ARHGEF2: variants seen among roughly 807,000 people sequenced by gnomAD.
The protein encoded by ARHGEF2 is rho guanine nucleotide exchange factor 2.
ARHGEF2 carries 22 observed loss-of-function variants against 121.0 expected under a neutral mutation model. That is an observed-to-expected ratio of 0.18 (90% CI 0.13 to 0.26). The LOEUF (loss-of-function observed/expected upper bound fraction) is 0.26. Ranked by LOEUF, ARHGEF2 falls within the 10% of genes least tolerant of loss-of-function variation. The pLI is 1.00. For synonymous variants in ARHGEF2, 487 were observed against 530.0 expected (o/e 0.92, Z 1.11); for missense variants, 907 against 1,336.0 (o/e 0.68, Z 5.01).
chr1:155,963,977 T>C (rs985621434), intron 7 of ARHGEF2, among the ~76,000 whole-genome samples: 1 of 150,528 alleles, frequency 6.6e-6, no homozygotes, highest in African/African-American at 2.4e-5. Flanking sequence ...AAACCCTGTC[T>C]CTACTAAAAA....
chr1:155,949,429 A>T (rs556794648), intron 21 of ARHGEF2, among the ~76,000 whole-genome samples: 1 of 151,686 alleles, frequency 6.6e-6, no homozygotes, highest in Non-Finnish European at 1.5e-5. Context: ...AAAATACAAA[A>T]ATTAGCTGGG....
chr1:155,958,574 ATTTTTTT>A (rs397722034), intron 11 of ARHGEF2, among the ~76,000 whole-genome samples, 178 bp from the exon 12 acceptor site: 1 of 122,272 alleles, frequency 8.2e-6, no homozygotes, highest in Admixed American at 8.6e-5. Flanking sequence ...CACCCATTCT[ATTTTTTT>A]TTTTTTTTTT....
At chr1:155,957,689 T>A (rs753599927) in intron 13 of ARHGEF2, 24 bp downstream of exon 13, 1 of 1,594,346 alleles carries the variant, frequency 6.3e-7, no homozygotes, top group South Asian at 1.1e-5. Flanking sequence ...CATAAGCACA[T>A]GCAGGCGGCA....
Position 155,954,929 on chromosome 1 carries a change from C to T in ARHGEF2, c.1756G>A (p.Asp586Asn), listed in dbSNP as rs777615385. The T allele has an allele frequency of 6.2e-7, 1 of 1,611,934 alleles. No individual in the cohort carries two copies. The highest frequency in any genetic ancestry group is 8.5e-7 in the Non-Finnish European group (1 of 1,179,106). ...TTAATTCGCCGCAGGTAAGCCTCAT[C>T]CTCTGTCTCAATCAGGGGGAAGTCC... The part of the protein sequence containing the change: ...REDFPLIETE[D>N]EAYLRRIKME... Residue 586 changes from aspartate to asparagine, a missense_variant, in exon 14 of 22, where the codon GAT becomes AAT. Asp to Asn is a conservative substitution (Grantham distance 23). Around this residue, in one of 2 missense-constraint regions of ARHGEF2, gnomAD observed 432 missense variants for 559.5 expected, o/e 0.77. Coordinates refer to ENST00000361247, the MANE Select transcript of ARHGEF2 (RefSeq NM_001162383.2).
chr1:155,958,612 G>C (rs1003054993), intron 11 of ARHGEF2, among the ~76,000 whole-genome samples: 1 of 122,748 alleles, frequency 8.1e-6, no homozygotes, highest in Non-Finnish European at 1.7e-5. Context: ...TTTTCATCTT[G>C]TTGTTCAGGC....
chr1:155,956,632 G>A (rs1676723595), intron 13 of ARHGEF2, among the ~76,000 whole-genome samples: 1 of 151,588 alleles, frequency 6.6e-6, no homozygotes, highest in South Asian at 2.1e-4. Context: ...GACCAGCTTG[G>A]TCAACATGGC....
At chr1:155,977,230 C>T (rs1464575709) in intron 1 of ARHGEF2, among the ~76,000 whole-genome samples, 3 of 152,076 alleles carry the variant, frequency 2.0e-5, no homozygotes, top group Admixed American at 6.5e-5. Context: ...GGGTACAGTG[C>T]GGGGGCCCCA....
At position 155,952,791 on chromosome 1, in the gene ARHGEF2, C is replaced by G; in HGVS notation, c.1821G>C (p.Leu607=). 6.2e-7 allele frequency: 1 copy of G among 1,614,204 alleles called. No homozygotes were observed. The highest frequency in any genetic ancestry group is 1.1e-5 in the South Asian group (1 of 91,088). ...LQQKDRALVE[L]LREKVGLFAE... ...CAAACAGCCCGACCTTCTCTCGCAGCAGCTCCACCAGTGCCCGGTCCTTCT... is the reference window on the plus strand; with the variant it reads ...CAAACAGCCCGACCTTCTCTCGCAGGAGCTCCACCAGTGCCCGGTCCTTCT... The change falls in exon 15 of 22, where the codon CTG becomes CTC. Residue 607 remains leucine (L), a synonymous_variant. Transcript: ENST00000361247.
chr1:155,965,082 C>A lies in ARHGEF2; in HGVS notation c.630G>T (p.Lys210Asn), dbSNP rs369719782. The change falls in exon 7 of 22, where the codon AAG becomes AAT. Residue 210 changes from lysine (K) to asparagine (N), a missense_variant. Coordinates refer to ENST00000361247, the MANE Select transcript of ARHGEF2 (RefSeq NM_001162383.2). This position sits in a 1 kb window ranked among gnomAD's most constrained non-coding sequence, Gnocchi z 6.0. Reference protein sequence around the residue: ...ELMSDFEMDEKDFAADSWSLA... With the variant: ...ELMSDFEMDENDFAADSWSLA... Reference sequence around the variant, plus strand: ...GACTCCAAGAGTCAGCTGCAAAGTCCTTCTCATCCATCTCAAAGTCACTCA... The same window carrying A: ...GACTCCAAGAGTCAGCTGCAAAGTCATTCTCATCCATCTCAAAGTCACTCA... The A allele has an allele frequency of 3.6e-5, 58 of 1,614,096 alleles. No homozygotes were observed. The African/African-American group carries it at 7.2e-4, about 20-fold the overall frequency.
chr1:155,958,243 C>T lies in ARHGEF2; in HGVS notation c.1545+77G>A, dbSNP rs2275072. Reference sequence around the variant, plus strand: ...TGACTCTGGGGGACTCCAGAGCTCTCGTGGGCTTGGGCAGGAAAGCAAGAA... The same window carrying T: ...TGACTCTGGGGGACTCCAGAGCTCTTGTGGGCTTGGGCAGGAAAGCAAGAA... On this transcript the variant is annotated intron_variant, in intron 12 of 21. Coordinates refer to ENST00000361247, the MANE Select transcript of ARHGEF2 (RefSeq NM_001162383.2). The T allele has an allele frequency of 2.8e-4, 340 of 1,218,998 alleles. 3 individuals carry two copies. The East Asian group carries it at 7.9e-3, about 28-fold the overall frequency. 75.5% of individuals were successfully genotyped at this position (1,218,998 alleles called of 1,614,324 possible).
chr1:155,964,167 AATATATATATATATATAT>A (rs869033599), intron 7 of ARHGEF2, among the ~76,000 whole-genome samples: 1 of 91,240 alleles, frequency 1.1e-5, no homozygotes, highest in South Asian at 3.2e-4. Flanking sequence ...AAAAAAAAAA[AATATATATATATATATAT>A]ATATATATAT....
intron 7 of ARHGEF2, among the ~76,000 whole-genome samples, chr1:155,964,445 C>T (rs746532369): frequency 1.5e-4 from 23 of 151,510 alleles, no homozygotes; most frequent in Admixed American, 1.1e-3. Flanking sequence ...GTCTCCAGCA[C>T]GGTGTTAAGC....
At chr1:155,970,484 C>G (rs1178016122) in intron 1 of ARHGEF2, 19 of 985,486 alleles carry the variant, frequency 1.9e-5, no homozygotes, top group Non-Finnish European at 2.3e-5. Context: ...GGACTAGAAG[C>G]TGAGAAGACC....
intron 7 of ARHGEF2, among the ~76,000 whole-genome samples, chr1:155,964,499 G>C (rs1678942977): frequency 6.6e-6 from 1 of 151,994 alleles, no homozygotes; most frequent in Admixed American, 6.6e-5. Context: ...AGATAAAGAA[G>C]GGATAAAGAG....
Position 155,951,309 on chromosome 1 carries a change from C to G in ARHGEF2, c.2260-37G>C, listed in dbSNP as rs772041028. On this transcript the variant is annotated intron_variant, in intron 19 of 21. Coordinates refer to ENST00000361247, the MANE Select transcript of ARHGEF2 (RefSeq NM_001162383.2). This position sits in a 1 kb window ranked among gnomAD's most constrained non-coding sequence, Gnocchi z 5.1. ...ATGCAGGCAGAAGGGTTTATCAGAACCCCTGTGCTCTTCTACCCCTCGCCT... is the reference window on the plus strand; with the variant it reads ...ATGCAGGCAGAAGGGTTTATCAGAAGCCCTGTGCTCTTCTACCCCTCGCCT... 1.9e-6 allele frequency: 3 copies of G among 1,572,324 alleles called. No homozygotes were observed. The highest frequency in any genetic ancestry group is 2.3e-5 in the East Asian group (1 of 44,330).
chr1:155,976,603 C>T (rs1214581540), intron 1 of ARHGEF2, among the ~76,000 whole-genome samples: 1 of 126,922 alleles, frequency 7.9e-6, no homozygotes, highest in African/African-American at 2.8e-5. Context: ...TAGCTACCTG[C>T]CCCCACAGAA....
In ARHGEF2 at chr1:155,947,349, C is replaced by T. The variant is rs1318161160; in HGVS notation, c.*593G>A. On this transcript the variant is annotated 3_prime_UTR_variant, in exon 22 of 22. Transcript: ENST00000361247. The stretch of plus-strand genomic sequence containing the variant: ...CACCCCAACCTTTATTCCATCAACT[C>T]CAGGAAGCCAGGTTATCTCCCAGGG... The T allele has an allele frequency of 2.2e-6, 1 of 456,538 alleles. No individual in the cohort carries two copies. The highest frequency in any genetic ancestry group is 2.0e-5 in the African/African-American group (1 of 50,156). The allele number at this position is 456,538 out of a possible 1,614,324, so 28.3% of individuals were successfully genotyped here. A position where few individuals can be genotyped will look rare whatever the true frequency, so the allele number is the denominator to read the frequency against.
Position 155,950,437 on chromosome 1 carries a change from A to G in ARHGEF2, c.2749T>C (p.Ser917Pro). ...CGGTCCTCAAAGTTTCGATGGACAG[A>G]GCGAGTAGTGACAGGTAGATCCAGG... The part of the protein sequence containing the change: ...DRLDLPVTTR[S>P]VHRNFEDRER... The change falls in exon 21 of 22, where the codon TCT becomes CCT. Residue 917 changes from serine to proline, a missense_variant. By Grantham distance (74) the Ser-to-Pro change is moderately conservative. Transcript: ENST00000361247. This position sits in a 1 kb window ranked among gnomAD's most constrained non-coding sequence, Gnocchi z 5.2. 2 of 1,614,050 alleles carry G rather than the reference A, an allele frequency of 1.2e-6. No individual in the cohort carries two copies. The highest frequency in any genetic ancestry group is 1.7e-6 in the Non-Finnish European group (2 of 1,180,030).
In ARHGEF2 at chr1:155,957,792, G is replaced by T. The variant is rs1207013777; in HGVS notation, c.1636C>A (p.Pro546Thr). 6.2e-7 allele frequency: 1 copy of T among 1,614,108 alleles called. No homozygotes were observed. Among genetic ancestry groups the T allele is most frequent in the Non-Finnish European group, 8.5e-7 (1 of 1,180,052 alleles). Residue 546 changes from proline to threonine, a missense_variant, in exon 13 of 22, where the codon CCT (proline) becomes ACT (threonine). Physicochemically the swap from Pro to Thr is conservative, Grantham distance 38. Transcript: ENST00000361247. ...KGMFLISAAPPEMYEVHTASR... is the reference protein window; with the variant it reads ...KGMFLISAAPTEMYEVHTASR... ...GCTGTGTGCACCTCGTACATCTCAGGTGGGGCTGCGCTGATCAGAAACATC... is the reference window on the plus strand; with the variant it reads ...GCTGTGTGCACCTCGTACATCTCAGTTGGGGCTGCGCTGATCAGAAACATC...
Sources: allele counts gnomAD v4.1 joint callset (sites outside exome capture counted in the v4.1 genomes callset), GRCh38; gene constraint gnomAD v4.1.1; regional missense constraint gnomAD v4.1.1; non-coding constraint Gnocchi (gnomAD v3.1); transcripts MANE v1.5; gene names NCBI Gene and HGNC (gene_info 2026-07-23, HGNC 2026-07-21).